GALNT13: variants seen among roughly 807,000 people sequenced by gnomAD.
The protein encoded by GALNT13 is polypeptide N-acetylgalactosaminyltransferase 13.
Under a neutral mutation model 64.2 loss-of-function variants are expected in GALNT13, and 28 were observed. That is an observed-to-expected ratio of 0.44 (90% CI 0.32 to 0.60). The LOEUF (loss-of-function observed/expected upper bound fraction) is 0.60. GALNT13 is among the 20% of genes least tolerant of loss of function. The probability of loss-of-function intolerance (pLI) is 0.05; values close to 1 mark genes in which losing one functional copy is unlikely to be tolerated. For synonymous variants in GALNT13, 214 were observed against 224.6 expected, an observed-to-expected ratio of 0.95 and a Z score of 0.42; for missense variants, 577 against 669.8, an observed-to-expected ratio of 0.86 and a Z score of 1.53.
chr2:154,419,748 A>G (rs1700171916), intron 11 of GALNT13, among the ~76,000 whole-genome samples: 4 of 152,172 alleles, frequency 2.6e-5, no homozygotes, highest in Admixed American at 2.6e-4. Flanking sequence ...GTGATTATCG[A>G]TAAGAAAAGC....
chr2:153,083,728 G>A, the GALNT13 span, among the ~76,000 whole-genome samples: 2 of 152,242 alleles, frequency 1.3e-5, no homozygotes, highest in South Asian at 4.1e-4. Context: ...CTGTGCAGAA[G>A]CTTTTTCATT....
At chr2:153,180,155 T>G in the GALNT13 span, among the ~76,000 whole-genome samples, 3 of 152,146 alleles carry the variant, frequency 2.0e-5, no homozygotes, top group Non-Finnish European at 1.5e-5. Context: ...ATGATTTTAT[T>G]TGTGGACTTA....
At chr2:153,650,890 A>G in the GALNT13 span, among the ~76,000 whole-genome samples, 1 of 152,094 alleles carries the variant, frequency 6.6e-6, no homozygotes, top group Non-Finnish European at 1.5e-5. Flanking sequence ...GTCGTGATGT[A>G]CCTTCGTATC....
At chr2:153,205,412 CAA>C in the GALNT13 span, among the ~76,000 whole-genome samples, 2 of 151,886 alleles carry the variant, frequency 1.3e-5, no homozygotes, top group South Asian at 4.2e-4. Flanking sequence ...TTTTTTAAAC[CAA>C]AGTTACAAAA....
the GALNT13 span, among the ~76,000 whole-genome samples, chr2:153,660,737 C>A: frequency 6.6e-6 from 1 of 151,916 alleles, no homozygotes. Flanking sequence ...CCCAAGGCCA[C>A]ATTGAAGGAG....
chr2:154,162,311 A>T (rs1003936922), intron 4 of GALNT13, among the ~76,000 whole-genome samples: 8 of 152,206 alleles, frequency 5.3e-5, no homozygotes, highest in Admixed American at 3.9e-4. Context: ...TAACATAATA[A>T]TTTTTTAAAA....
chr2:154,357,296 A>G (rs1490415449), intron 9 of GALNT13, among the ~76,000 whole-genome samples: 1 of 152,088 alleles, frequency 6.6e-6, no homozygotes, highest in Non-Finnish European at 1.5e-5. Flanking sequence ...TCTAAGCTGC[A>G]TTACTGCTAT....
At chr2:154,326,390 GTA>G (rs1052472358) in intron 9 of GALNT13, among the ~76,000 whole-genome samples, 1 of 150,602 alleles carries the variant, frequency 6.6e-6, no homozygotes, top group Non-Finnish European at 1.5e-5. Context: ...ATATTTTAAT[GTA>G]TATATGTTTC....
At chr2:153,747,469 C>T in the GALNT13 span, among the ~76,000 whole-genome samples, 10 of 145,668 alleles carry the variant, frequency 6.9e-5, no homozygotes, top group East Asian at 1.6e-3. Flanking sequence ...TCACTCTCGC[C>T]CAGGCTGGAG....
At chr2:153,534,518 CTTTCTTTCT>C in the GALNT13 span, among the ~76,000 whole-genome samples, 2 of 123,776 alleles carry the variant, frequency 1.6e-5, no homozygotes, top group African/African-American at 3.5e-5. Context: ...GCCCCTCTTT[CTTTCTTTCT>C]TTTTTTTTTT....
chr2:153,655,965 T>A, the GALNT13 span, among the ~76,000 whole-genome samples: 2 of 152,142 alleles, frequency 1.3e-5, no homozygotes, highest in African/African-American at 4.8e-5. Context: ...TATAATGTCT[T>A]CACATACCAA....
chr2:153,320,135 A>G, the GALNT13 span, among the ~76,000 whole-genome samples: 1 of 152,200 alleles, frequency 6.6e-6, no homozygotes, highest in Non-Finnish European at 1.5e-5. Flanking sequence ...TCCACAGGTG[A>G]TTTCAATGTG....
chr2:153,451,236 A>G, the GALNT13 span, among the ~76,000 whole-genome samples: 2 of 152,210 alleles, frequency 1.3e-5, no homozygotes, highest in Non-Finnish European at 2.9e-5. Flanking sequence ...TCCTTTATAC[A>G]TTTTAATCTA....
At chr2:154,004,358 G>C (rs376944161) in intron 3 of GALNT13, among the ~76,000 whole-genome samples, 2 of 151,792 alleles carry the variant, frequency 1.3e-5, no homozygotes, top group African/African-American at 4.8e-5. Context: ...GGCATGCATC[G>C]CCACGCCCAG....
chr2:153,544,001 A>T, the GALNT13 span, among the ~76,000 whole-genome samples: 1 of 152,136 alleles, frequency 6.6e-6, no homozygotes, highest in Admixed American at 6.5e-5. Context: ...TCAGATTCCA[A>T]CTGGGAGCAC....
At chr2:154,101,785 G>A (rs1432209901) in intron 3 of GALNT13, among the ~76,000 whole-genome samples, 1 of 151,942 alleles carries the variant, frequency 6.6e-6, no homozygotes, top group Non-Finnish European at 1.5e-5. Flanking sequence ...GACATTTAAT[G>A]CTGTAAATTC....
chr2:153,614,099 C>A, the GALNT13 span, among the ~76,000 whole-genome samples: 1 of 151,888 alleles, frequency 6.6e-6, no homozygotes, highest in Non-Finnish European at 1.5e-5. Flanking sequence ...AACTGAGTGG[C>A]TTCTAGGTAG....
chr2:153,898,871 A>T (rs968633631), intron 1 of GALNT13, among the ~76,000 whole-genome samples: 2 of 151,644 alleles, frequency 1.3e-5, no homozygotes, highest in Non-Finnish European at 2.9e-5. Flanking sequence ...AAAAAAAAAA[A>T]AAAATGATGG....
intron 9 of GALNT13, among the ~76,000 whole-genome samples, chr2:154,391,695 C>T (rs1285241123): frequency 6.6e-6 from 1 of 152,160 alleles, no homozygotes; most frequent in Non-Finnish European, 1.5e-5. Flanking sequence ...TTGTACTAAA[C>T]CTTTTCCAGG....
Sources: gnomAD v4.1 joint callset for allele counts (sites outside exome capture counted in the v4.1 genomes callset) on GRCh38, gnomAD v4.1.1 for gene constraint, MANE v1.5 for transcripts, NCBI Gene and HGNC (gene_info 2026-07-23, HGNC 2026-07-21) for gene names.